Variants in ADAMTS20 observed in about 807,000 individuals in gnomAD.
ADAMTS20 encodes ADAM metallopeptidase with thrombospondin type 1 motif 20.
A neutral mutation model predicts 260.1 loss-of-function variants in ADAMTS20; 225 were observed. The ratio of observed to expected loss-of-function variants is 0.87; its 90% CI spans 0.78 to 0.97. ADAMTS20 has a LOEUF of 0.97. ADAMTS20 is among the 50% of genes least tolerant of loss of function. The pLI is 0.00. For synonymous variants in ADAMTS20, 802 were observed against 769.5 expected, an observed-to-expected ratio of 1.04 and a Z score of -0.70; for missense variants, 2,400 against 2,337.7, an observed-to-expected ratio of 1.03 and a Z score of -0.55.
In ADAMTS20 at chr12:43,359,429, T is replaced by C. The variant is rs150355758; in HGVS notation, c.5539-2841A>G. Among the ~76,000 whole-genome samples the C allele has an allele frequency of 5.6e-3, 856 of 152,354 alleles. 2 individuals are homozygous for C. The highest frequency in any genetic ancestry group is 9.4e-3 in the Non-Finnish European group (642 of 68,030). On this transcript the variant is annotated intron_variant, in intron 37 of 38. Transcript: ENST00000389420. ...AATGTACTGTACACATTTTATTATG[T>C]ATGTAATCTATAGATCTAATATAAT...
chr12:43,539,414 T>TCCCA (rs1194690353), intron 2 of ADAMTS20, among the ~76,000 whole-genome samples: 1 of 152,180 alleles, frequency 6.6e-6, no homozygotes. Flanking sequence ...ATTAATGAAA[T>TCCCA]TCCATCAGAC....
intron 31 of ADAMTS20, 96 bp downstream of exon 31, chr12:43,383,462 T>C: frequency 8.1e-7 from 1 of 1,237,634 alleles, no homozygotes; most frequent in South Asian, 1.6e-5. Flanking sequence ...TCTGCCCTCA[T>C]ATTCAAATTT....
chr12:43,464,287 T>C (rs1007024510), intron 10 of ADAMTS20, among the ~76,000 whole-genome samples: 1 of 152,146 alleles, frequency 6.6e-6, no homozygotes, highest in African/African-American at 2.4e-5. Context: ...TAATATCATT[T>C]GAAAATAAAT....
intron 7 of ADAMTS20, among the ~76,000 whole-genome samples, chr12:43,471,220 G>C (rs906401582): frequency 3.3e-5 from 5 of 152,144 alleles, no homozygotes; most frequent in Non-Finnish European, 7.4e-5. Context: ...AAAGAAAGGG[G>C]TGACGGACGC....
chr12:43,497,241 T>C (rs977613360), intron 4 of ADAMTS20, among the ~76,000 whole-genome samples: 1 of 152,192 alleles, frequency 6.6e-6, no homozygotes, highest in African/African-American at 2.4e-5. Flanking sequence ...GAAGAAATGG[T>C]ATGAATTGTA....
chr12:43,543,672 G>A (rs564758346), intron 2 of ADAMTS20, among the ~76,000 whole-genome samples: 7 of 152,116 alleles, frequency 4.6e-5, no homozygotes, highest in East Asian at 1.9e-4. Context: ...TGTTTGATGC[G>A]TGATCTGTTT....
chr12:43,461,148 G>A (rs1327316359), intron 11 of ADAMTS20, among the ~76,000 whole-genome samples: 4 of 150,782 alleles, frequency 2.7e-5, no homozygotes, highest in South Asian at 2.1e-4. Flanking sequence ...CTGTCACCAC[G>A]CCTGGCTAAT....
At chr12:43,466,595 C>T (rs74913159) in intron 9 of ADAMTS20, 57 bp downstream of exon 9, 47,248 of 1,509,520 alleles carry the variant, frequency 0.031, 927 homozygotes, top group East Asian at 0.083. Context: ...TTAAAAATAT[C>T]AATTTCAAAT....
In ADAMTS20 at chr12:43,513,848, A is replaced by G. The variant is rs552883633; in HGVS notation, c.614-11443T>C. On this transcript the variant is annotated intron_variant, in intron 3 of 38. Coordinates refer to ENST00000389420, the MANE Select transcript of ADAMTS20 (RefSeq NM_025003.5). ...ACACCGCATGTTCTCACTCATAGGT[A>G]GGAATTGAACAATGAGAACACATAG... 2.0e-5 allele frequency among the ~76,000 whole-genome samples: 3 copies of G among 150,572 alleles called. No homozygotes were observed. The East Asian group carries it at 6.0e-4, about 30-fold the overall frequency.
chr12:43,439,483 G>T, intron 18 of ADAMTS20, 139 bp downstream of exon 18: 2 of 991,418 alleles, frequency 2.0e-6, no homozygotes, highest in Non-Finnish European at 2.9e-6. Flanking sequence ...AGGAAAAAAA[G>T]ATTGAAAACT....
At chr12:43,487,272 T>C (rs979123133) in intron 7 of ADAMTS20, among the ~76,000 whole-genome samples, 1 of 152,136 alleles carries the variant, frequency 6.6e-6, no homozygotes, top group Non-Finnish European at 1.5e-5. Flanking sequence ...TTTGTAGCAA[T>C]TTGGATGGAA....
intron 28 of ADAMTS20, chr12:43,423,039 C>A (rs2029791): frequency 6.6e-6 from 1 of 151,728 alleles, no homozygotes; most frequent in Non-Finnish European, 1.5e-5. Context: ...CTAAAACTGA[C>A]CTGGAATGAA....
At chr12:43,492,177 G>C (rs1003652443) in intron 6 of ADAMTS20, among the ~76,000 whole-genome samples, 3 of 152,088 alleles carry the variant, frequency 2.0e-5, no homozygotes, top group East Asian at 1.9e-4. Context: ...TCAGGAGATC[G>C]AGACCATCCT....
intron 3 of ADAMTS20, among the ~76,000 whole-genome samples, chr12:43,523,279 T>C (rs1038468566): frequency 6.6e-6 from 1 of 152,188 alleles, no homozygotes; most frequent in African/African-American, 2.4e-5. Flanking sequence ...GGTAAGAGTC[T>C]TGCATGCATT....
intron 4 of ADAMTS20, among the ~76,000 whole-genome samples, chr12:43,498,620 C>T (rs1440856490): frequency 6.6e-6 from 1 of 152,160 alleles, no homozygotes; most frequent in Non-Finnish European, 1.5e-5. Flanking sequence ...GTATGCAAAA[C>T]CTGAACAGCT....
chr12:43,470,737 G>A (rs569374936), intron 7 of ADAMTS20, among the ~76,000 whole-genome samples: 23 of 152,266 alleles, frequency 1.5e-4, no homozygotes, highest in African/African-American at 2.4e-4. Context: ...AACAATAAAC[G>A]TAAATGGAGA....
At chr12:43,381,479 C>G (rs554459436) in intron 31 of ADAMTS20, among the ~76,000 whole-genome samples, 43 of 151,746 alleles carry the variant, frequency 2.8e-4, no homozygotes, top group Non-Finnish European at 5.4e-4. Flanking sequence ...TAATTTACAA[C>G]TCACCCAGTG....
At position 43,443,751 on chromosome 12, in the gene ADAMTS20, A is replaced by T. The variant is rs370758598; in HGVS notation, c.2290+40T>A. The T allele has an allele frequency of 5.0e-5, 76 of 1,505,186 alleles. 1 individual carries two copies. The South Asian group carries it at 8.3e-4, about 16-fold the overall frequency. 93.2% of individuals were successfully genotyped at this position (1,505,186 alleles called of 1,614,324 possible). ...ACTACAGACTTCCATGAAATTGCAC[A>T]TAAGCCACATACTGGCTGTTGTTTA... On this transcript the variant is annotated intron_variant, in intron 16 of 38. Coordinates refer to ENST00000389420, the MANE Select transcript of ADAMTS20 (RefSeq NM_025003.5).
At chr12:43,412,061 T>G (rs1941041956) in intron 28 of ADAMTS20, among the ~76,000 whole-genome samples, 1 of 152,272 alleles carries the variant, frequency 6.6e-6, no homozygotes. Context: ...CTAAACTCAA[T>G]AACGGCAGAA....
Sources: gnomAD v4.1 joint callset for allele counts (sites outside exome capture counted in the v4.1 genomes callset) on GRCh38, gnomAD v4.1.1 for gene constraint, MANE v1.5 for transcripts, NCBI Gene and HGNC (gene_info 2026-07-23, HGNC 2026-07-21) for gene names.